The following DPM1 variants were observed in gnomAD, a reference collection of about 807,000 sequenced individuals.
The protein encoded by DPM1 is dolichyl-phosphate mannosyltransferase subunit 1, catalytic, also known as dolichol-phosphate mannosyltransferase subunit 1.
A neutral mutation model predicts 39.0 loss-of-function variants in DPM1; 27 were observed. That is an observed-to-expected ratio of 0.69 (90% CI 0.51 to 0.95). The LOEUF (loss-of-function observed/expected upper bound fraction) is 0.95. DPM1 is among the 40% of genes least tolerant of loss of function. DPM1 has a pLI of 0.00. For synonymous variants in DPM1, 124 were observed against 109.0 expected (o/e 1.14, Z -0.86); for missense variants, 307 against 315.6 (o/e 0.97, Z 0.21).
chr20:50,946,578 T>G (rs1200411096), intron 3 of DPM1, among the ~76,000 whole-genome samples: 1 of 152,246 alleles, frequency 6.6e-6, no homozygotes, highest in African/African-American at 2.4e-5. Context: ...CCTGGTACGC[T>G]AGACCCTTGC....
intron 3 of DPM1, 44 bp downstream of exon 3, chr20:50,948,585 C>T: frequency 3.1e-6 from 5 of 1,598,158 alleles, no homozygotes; most frequent in Non-Finnish European, 4.3e-6. Context: ...ATCATGTCAC[C>T]AAGCAAGCAG....
At chr20:50,935,697 C>A (rs1000613188) in intron 8 of DPM1, among the ~76,000 whole-genome samples, 3 of 152,174 alleles carry the variant, frequency 2.0e-5, no homozygotes, top group East Asian at 1.9e-4. Context: ...TGAGGAGAGT[C>A]TTCCCTACCC....
Position 50,936,219 on chromosome 20 carries a change from C to G in DPM1, c.607G>C (p.Val203Leu), listed in dbSNP as rs1287807161. The G allele has an allele frequency of 6.2e-7, 1 of 1,613,214 alleles. No individual in the cohort carries two copies. Among genetic ancestry groups the G allele is most frequent in the East Asian group, 2.2e-5 (1 of 44,840 alleles). ...ATCTGGAAGACGTAGCCTTTAGAAA[C>G]ACATTTTTCTATTAATTTCTCTAGA... is the stretch of plus-strand genomic sequence containing the variant. The part of the protein sequence containing the change: ...EVLEKLIEKC[V>L]SKGYVFQMEM... The change falls in exon 8 of 9, where the codon GTT (valine) becomes CTT (leucine). Residue 203 changes from valine (V) to leucine (L), a missense_variant. Physicochemically the swap from Val to Leu is conservative, Grantham distance 32. Coordinates refer to ENST00000371588, the MANE Select transcript of DPM1 (RefSeq NM_003859.3).
chr20:50,949,061 G>C (rs1199057162), intron 2 of DPM1, among the ~76,000 whole-genome samples: 1 of 151,934 alleles, frequency 6.6e-6, no homozygotes, highest in Non-Finnish European at 1.5e-5. Flanking sequence ...GGGTTCCACC[G>C]TGTTAGCCAG....
intron 7 of DPM1, 146 bp downstream of exon 7, chr20:50,940,719 A>T (rs1405982449): frequency 8.4e-6 from 6 of 715,462 alleles, no homozygotes; most frequent in Non-Finnish European, 1.5e-5. Context: ...TTTAGGCTTC[A>T]TTAGCAACTT....
chr20:50,950,857 A>G (rs1249996129), intron 2 of DPM1, among the ~76,000 whole-genome samples: 1 of 151,626 alleles, frequency 6.6e-6, no homozygotes, highest in African/African-American at 2.4e-5. Context: ...TGACACAGTG[A>G]GACTCCGTCT....
chr20:50,947,468 A>G (rs17726944), intron 3 of DPM1, among the ~76,000 whole-genome samples: 25,062 of 152,258 alleles, frequency 0.16, 2,838 homozygotes, highest in Non-Finnish European at 0.25. Context: ...TACTGAGAAC[A>G]TTTGATGCTT....
intron 2 of DPM1, 117 bp downstream of exon 2, chr20:50,955,069 T>C (rs1489806222): frequency 1.2e-5 from 10 of 859,260 alleles, no homozygotes; most frequent in African/African-American, 3.4e-5. Flanking sequence ...AATGCGTAAG[T>C]TGCTCTTTAT....
intron 7 of DPM1, among the ~76,000 whole-genome samples, chr20:50,936,650 T>C (rs1040874791): frequency 2.0e-5 from 3 of 152,212 alleles, no homozygotes; most frequent in African/African-American, 7.2e-5. Context: ...GGACAGATGA[T>C]CATGAAGCAA....
intron 7 of DPM1, 84 bp from the exon 8 acceptor site, chr20:50,936,346 T>A: frequency 1.1e-6 from 1 of 894,282 alleles, no homozygotes; most frequent in Non-Finnish European, 1.8e-6. Context: ...TTCACTGGTA[T>A]GTATAAAGCC....
At chr20:50,944,272 G>A (rs879451160) in intron 5 of DPM1, 3 of 152,168 alleles carry the variant, frequency 2.0e-5, no homozygotes, top group Non-Finnish European at 4.4e-5. Flanking sequence ...CTACATCCCA[G>A]GAAGAACGTC....
At chr20:50,937,102 A>G (rs1393769943) in intron 7 of DPM1, among the ~76,000 whole-genome samples, 2 of 147,238 alleles carry the variant, frequency 1.4e-5, no homozygotes, top group Non-Finnish European at 3.0e-5. Context: ...AGCAATTTCT[A>G]CCTTTTTTTG....
At chr20:50,954,924 A>C (rs1986752169) in intron 2 of DPM1, among the ~76,000 whole-genome samples, 1 of 152,218 alleles carries the variant, frequency 6.6e-6, no homozygotes, top group African/African-American at 2.4e-5. Context: ...TTTGCCCTTC[A>C]AGAAAATTTA....
intron 7 of DPM1, among the ~76,000 whole-genome samples, chr20:50,937,792 C>T (rs1601020560): frequency 6.6e-6 from 1 of 151,946 alleles, no homozygotes; most frequent in East Asian, 1.9e-4. Context: ...TAAATAATTG[C>T]TAAATAACTT....
intron 7 of DPM1, among the ~76,000 whole-genome samples, chr20:50,937,090 G>A (rs1985237605): frequency 6.6e-6 from 1 of 151,344 alleles, no homozygotes; most frequent in Admixed American, 6.6e-5. Context: ...TCATAGGGAG[G>A]CAGCAATTTC....
intron 5 of DPM1, among the ~76,000 whole-genome samples, chr20:50,943,151 C>T (rs977497329): frequency 1.3e-5 from 2 of 152,120 alleles, no homozygotes; most frequent in African/African-American, 4.8e-5. Context: ...CTCCAGCCTG[C>T]ATGACAGAGT....
chr20:50,934,926 C>G lies in DPM1; in HGVS notation c.*206G>C. ...AGGTCTCAATACAGCAAAATGAAAA[C>G]GAAAATTGAGAACATTGCTCATTAG... On this transcript the variant is annotated 3_prime_UTR_variant, in exon 9 of 9. Coordinates refer to ENST00000371588, the MANE Select transcript of DPM1 (RefSeq NM_003859.3). The G allele has an allele frequency of 4.3e-6, 2 of 465,738 alleles. No homozygotes were observed. Among genetic ancestry groups the G allele is most frequent in the Non-Finnish European group, 7.7e-6 (2 of 259,242 alleles). 28.9% of individuals were successfully genotyped at this position (465,738 alleles called of 1,614,324 possible).
Position 50,936,095 on chromosome 20 carries a change from C to G in DPM1, c.678+53G>C. ...ACTTTTTATTATAAAAATTCTAAAC[C>G]TTACTGCTCCTTTACCAGGAACATG... On this transcript the variant is annotated intron_variant, in intron 8 of 8. Coordinates refer to ENST00000371588, the MANE Select transcript of DPM1 (RefSeq NM_003859.3). 2.3e-6 allele frequency: 3 copies of G among 1,320,956 alleles called. No individual in the cohort carries two copies. In the East Asian group the frequency reaches 6.9e-5, roughly 30 times the overall value. 81.8% of individuals were successfully genotyped at this position (1,320,956 alleles called of 1,614,324 possible). A position where few individuals can be genotyped will look rare whatever the true frequency, so the allele number is the denominator to read the frequency against.
At chr20:50,947,123 G>A (rs1270059039) in intron 3 of DPM1, among the ~76,000 whole-genome samples, 1 of 152,206 alleles carries the variant, frequency 6.6e-6, no homozygotes, top group Non-Finnish European at 1.5e-5. Context: ...CAGGAGAATC[G>A]CTTGAACCCG....
Sources: gnomAD v4.1 joint callset for allele counts (sites outside exome capture counted in the v4.1 genomes callset) on GRCh38, gnomAD v4.1.1 for gene constraint, MANE v1.5 for transcripts, NCBI Gene and HGNC (gene_info 2026-07-23, HGNC 2026-07-21) for gene names.